The following CACNG2 variants were observed in gnomAD, a reference collection of about 807,000 sequenced individuals.
CACNG2 encodes the protein voltage-dependent calcium channel gamma-2 subunit.
In CACNG2, 3 loss-of-function variants were observed where a neutral mutation model predicts 25.9. The ratio of observed to expected loss-of-function variants is 0.12; its 90% CI spans 0.05 to 0.30. The LOEUF is 0.30. Ranked by LOEUF, CACNG2 falls within the 10% of genes least tolerant of loss-of-function variation. The probability of loss-of-function intolerance (pLI) is 1.00; values close to 1 mark genes in which losing one functional copy is unlikely to be tolerated. For missense variants in CACNG2, 341 were observed against 432.5 expected (o/e 0.79, Z 1.88); for synonymous variants, 167 against 173.3 (o/e 0.96, Z 0.29).
At chr22:36,676,199 T>C (rs1040095449) in intron 1 of CACNG2, among the ~76,000 whole-genome samples, 3 of 152,208 alleles carry the variant, frequency 2.0e-5, no homozygotes, top group Admixed American at 2.0e-4. Context: ...CACAGACACA[T>C]TTGATCTTGC....
chr22:36,663,792 C>T (rs1392229840), intron 1 of CACNG2, among the ~76,000 whole-genome samples: 1 of 152,130 alleles, frequency 6.6e-6, no homozygotes, highest in African/African-American at 2.4e-5. Flanking sequence ...AACAAGGCAG[C>T]CCTAACCCAG....
chr22:36,589,211 C>T (rs1023849956), intron 1 of CACNG2, among the ~76,000 whole-genome samples: 1 of 151,968 alleles, frequency 6.6e-6, no homozygotes, highest in Non-Finnish European at 1.5e-5. Flanking sequence ...GCTGGTCCCC[C>T]ACTCCTGACT....
intron 1 of CACNG2, among the ~76,000 whole-genome samples, chr22:36,653,444 T>A (rs1259762153): frequency 7.9e-6 from 1 of 126,636 alleles, no homozygotes; most frequent in African/African-American, 5.7e-5. Context: ...GCGACCTTAG[T>A]TCTGCAGTGC....
In CACNG2 at chr22:36,702,642, G is replaced by T; in HGVS notation, c.-66C>A. 1 of 1,211,994 alleles carries T rather than the reference G, an allele frequency of 8.3e-7. No homozygotes were observed. Among genetic ancestry groups the T allele is most frequent in the Non-Finnish European group, 1.2e-6 (1 of 816,830 alleles). The allele number at this position is 1,211,994 out of a possible 1,614,324, so 75.1% of individuals were successfully genotyped here. A position where few individuals can be genotyped will look rare whatever the true frequency, so the allele number is the denominator to read the frequency against. On this transcript the variant is annotated 5_prime_UTR_variant, in exon 1 of 4. Transcript: ENST00000300105. ...CGGGAGAGTGTGTGTGAGGGTGCAA[G>T]TACTAAAGCCAAAAAAAATAAATAA...
rs751747375 is a variant in CACNG2, at chr22:36,564,774, C to T, written c.549G>A (p.Gly183=). The change falls in exon 4 of 4, where the codon GGG becomes GGA. Residue 183 remains glycine, a synonymous_variant. Coordinates refer to ENST00000300105, the MANE Select transcript of CACNG2 (RefSeq NM_006078.5). The surrounding 1 kb of genome is among the most constrained non-coding windows in gnomAD (Gnocchi z 6.7). ...TCTCGGCGATGATGAAGGACAGGGC[C>T]CCGAAGTAGAAGGACCAGCCGTATG... ...SYSYGWSFYF[G]ALSFIIAEMV... 3 of 1,614,056 alleles carry T rather than the reference C, an allele frequency of 1.9e-6. No homozygotes were observed. The highest frequency in any genetic ancestry group is 2.5e-6 in the Non-Finnish European group (3 of 1,180,038).
chr22:36,580,063 C>A (rs548120119), intron 2 of CACNG2, among the ~76,000 whole-genome samples: 23 of 152,198 alleles, frequency 1.5e-4, no homozygotes, highest in Non-Finnish European at 2.5e-4. Context: ...TCACTGGGTT[C>A]GGGGCAGGTG....
chr22:36,621,471 G>C (rs1227068387), intron 1 of CACNG2, among the ~76,000 whole-genome samples: 3 of 152,004 alleles, frequency 2.0e-5, no homozygotes, highest in African/African-American at 7.3e-5. Context: ...TCGGGAGGCT[G>C]AGGCATGAAA....
At chr22:36,579,404 CAAAAAA>C (rs34224180) in intron 2 of CACNG2, among the ~76,000 whole-genome samples, 5,594 of 47,098 alleles carry the variant, frequency 0.12, 164 homozygotes, top group Non-Finnish European at 0.15. Flanking sequence ...AACTCTGTCT[CAAAAAA>C]AAAAAAAAAA....
chr22:36,643,080 A>C (rs574812074), intron 1 of CACNG2, among the ~76,000 whole-genome samples: 2 of 116,790 alleles, frequency 1.7e-5, no homozygotes, highest in South Asian at 2.7e-4. Flanking sequence ...TTTTTCCTTC[A>C]TTCCTTCTTT....
intron 1 of CACNG2, among the ~76,000 whole-genome samples, chr22:36,657,543 A>G (rs1365869526): frequency 3.3e-5 from 5 of 152,104 alleles, no homozygotes; most frequent in Non-Finnish European, 7.4e-5. Flanking sequence ...AATTGCTTTT[A>G]TTGGATAAAT....
intron 1 of CACNG2, among the ~76,000 whole-genome samples, chr22:36,597,599 C>A (rs1935696556): frequency 6.6e-6 from 1 of 152,210 alleles, no homozygotes; most frequent in Non-Finnish European, 1.5e-5. Context: ...GTAGGTCCTC[C>A]TTCTTTTTCT....
intron 1 of CACNG2, among the ~76,000 whole-genome samples, chr22:36,608,570 G>A (rs982012091): frequency 6.6e-6 from 1 of 152,186 alleles, no homozygotes; most frequent in Non-Finnish European, 1.5e-5. Context: ...CTATTAATGA[G>A]CCTGTTCTAC....
intron 1 of CACNG2, among the ~76,000 whole-genome samples, chr22:36,626,074 C>A (rs893903855): frequency 1.3e-5 from 2 of 152,142 alleles, no homozygotes; most frequent in African/African-American, 2.4e-5. Context: ...TGCCCGCCAC[C>A]ATGCCCGGCT....
chr22:36,575,299 C>T lies in CACNG2; in HGVS notation c.296-8806G>A, dbSNP rs966671798. Among the ~76,000 whole-genome samples, 7 of 152,256 alleles carry T rather than the reference C, an allele frequency of 4.6e-5. 1 individual carries two copies. The highest frequency in any genetic ancestry group is 1.4e-4 in the African/African-American group (6 of 41,558). On this transcript the variant is annotated intron_variant, in intron 2 of 3. Transcript: ENST00000300105. ...GCAAGCGACATCTTGCCTTCTGGAA[C>T]GGGTGGCCTGAGCTATCTGTTCTTT... is the stretch of plus-strand genomic sequence containing the variant.
At chr22:36,645,260 A>G (rs997072598) in intron 1 of CACNG2, among the ~76,000 whole-genome samples, 1 of 152,166 alleles carries the variant, frequency 6.6e-6, no homozygotes, top group Non-Finnish European at 1.5e-5. Context: ...CTCCAGGGAA[A>G]GTTGCTGTAG....
At chr22:36,593,002 A>T (rs983934051) in intron 1 of CACNG2, among the ~76,000 whole-genome samples, 1 of 152,104 alleles carries the variant, frequency 6.6e-6, no homozygotes, top group Non-Finnish European at 1.5e-5. Context: ...TCTTGCCCCC[A>T]TCCTTGGGGC....
At chr22:36,594,339 G>T (rs1223211369) in intron 1 of CACNG2, among the ~76,000 whole-genome samples, 4 of 152,202 alleles carry the variant, frequency 2.6e-5, no homozygotes, top group African/African-American at 9.7e-5. Context: ...TTAGAAGGAG[G>T]TATGAGGCCT....
chr22:36,658,516 A>G (rs544196979), intron 1 of CACNG2, among the ~76,000 whole-genome samples: 1 of 152,308 alleles, frequency 6.6e-6, no homozygotes, highest in South Asian at 2.1e-4. Flanking sequence ...AGATAAGGAT[A>G]ATACAGCTCA....
intron 1 of CACNG2, among the ~76,000 whole-genome samples, chr22:36,670,190 G>C (rs1936928915): frequency 6.6e-6 from 1 of 152,172 alleles, no homozygotes; most frequent in African/African-American, 2.4e-5. Flanking sequence ...AGCGTTGGAT[G>C]CTGGGCTAGA....
Sources: gnomAD v4.1 joint callset for allele counts (sites outside exome capture counted in the v4.1 genomes callset) on GRCh38, gnomAD v4.1.1 for gene constraint, Gnocchi (gnomAD v3.1) non-coding constraint, MANE v1.5 for transcripts, NCBI Gene and HGNC (gene_info 2026-07-23, HGNC 2026-07-21) for gene names.